SORCS3: variants seen among roughly 807,000 people sequenced by gnomAD.
SORCS3 encodes the protein sortilin related VPS10 domain containing receptor 3.
Under a neutral mutation model 146.3 loss-of-function variants are expected in SORCS3, and 57 were observed. The ratio of observed to expected loss-of-function variants is 0.39; its 90% CI spans 0.31 to 0.49. The LOEUF (loss-of-function observed/expected upper bound fraction) is 0.49. Ranked by LOEUF, SORCS3 falls within the 20% of genes least tolerant of loss-of-function variation. The probability of loss-of-function intolerance (pLI) is 0.92; values close to 1 mark genes in which losing one functional copy is unlikely to be tolerated. For synonymous variants in SORCS3, 653 were observed against 618.5 expected (o/e 1.06, Z -0.83); for missense variants, 1,341 against 1,575.5 (o/e 0.85, Z 2.52).
intron 2 of SORCS3, among the ~76,000 whole-genome samples, chr10:104,846,876 C>T (rs944192568): frequency 3.3e-5 from 5 of 152,166 alleles, no homozygotes; most frequent in African/African-American, 1.2e-4. Flanking sequence ...CCTGAGTTAC[C>T]TGGGTCATAA....
intron 1 of SORCS3, among the ~76,000 whole-genome samples, chr10:104,787,673 AG>A (rs2017454096): frequency 6.6e-6 from 1 of 152,172 alleles, no homozygotes; most frequent in African/African-American, 2.4e-5. Context: ...TCCCATGAAA[AG>A]GGACAATGAT....
chr10:105,176,017 T>C (rs2056398917), intron 13 of SORCS3, among the ~76,000 whole-genome samples: 1 of 151,934 alleles, frequency 6.6e-6, no homozygotes, highest in South Asian at 2.1e-4. Flanking sequence ...GAGTAGAGAG[T>C]GAACCATGTA....
rs1162969172 is a variant in SORCS3 at position 104,706,201 on chromosome 10, CT to C, written c.627+64272del. On this transcript the variant is annotated intron_variant, in intron 1 of 26. Coordinates refer to ENST00000369701, the MANE Select transcript of SORCS3 (RefSeq NM_014978.3). ...TTGTTTGTTTGTTTCTTTTCTTCTT[CT>C]TTTTTTTTTTTTTTTTTTTTTTTTG... is the stretch of plus-strand genomic sequence containing the variant. 6.8e-3 allele frequency among the ~76,000 whole-genome samples: 581 copies of C among 85,844 alleles called. 1 individual carries two copies. The highest frequency in any genetic ancestry group is 0.016 in the South Asian group (37 of 2,256). The allele number at this position is 85,844 out of a possible 152,430, so 56.3% of individuals were successfully genotyped here.
chr10:105,028,171 C>G (rs947747238), intron 4 of SORCS3, among the ~76,000 whole-genome samples: 12 of 152,210 alleles, frequency 7.9e-5, no homozygotes, highest in Non-Finnish European at 1.3e-4. Flanking sequence ...TTGCCCATTT[C>G]TCTCATTACC....
chr10:104,685,584 T>A (rs954450162), intron 1 of SORCS3, among the ~76,000 whole-genome samples: 1 of 152,180 alleles, frequency 6.6e-6, no homozygotes, highest in Non-Finnish European at 1.5e-5. Flanking sequence ...GCAGTGCCTC[T>A]CCCAGTTTAT....
At chr10:105,070,393 T>A (rs1401856662) in intron 5 of SORCS3, among the ~76,000 whole-genome samples, 1 of 152,214 alleles carries the variant, frequency 6.6e-6, no homozygotes, top group East Asian at 1.9e-4. Flanking sequence ...GTGTCTCCAG[T>A]GAGTGTCTCC....
chr10:105,231,456 A>G (rs1470281290), intron 20 of SORCS3, among the ~76,000 whole-genome samples: 1 of 152,208 alleles, frequency 6.6e-6, no homozygotes. Flanking sequence ...AAGCAATCAT[A>G]TCATCTATGA....
At chr10:104,767,522 A>G (rs950360237) in intron 1 of SORCS3, among the ~76,000 whole-genome samples, 7 of 152,076 alleles carry the variant, frequency 4.6e-5, no homozygotes, top group Admixed American at 2.0e-4. Context: ...AGGTATCAGT[A>G]CATGTCTTTG....
intron 16 of SORCS3, among the ~76,000 whole-genome samples, chr10:105,210,499 T>G (rs1206962956): frequency 6.6e-6 from 1 of 152,110 alleles, no homozygotes; most frequent in Non-Finnish European, 1.5e-5. Context: ...GGACTTCAGA[T>G]AGGGGACCTC....
At chr10:104,731,693 C>T (rs2016708282) in intron 1 of SORCS3, among the ~76,000 whole-genome samples, 1 of 152,158 alleles carries the variant, frequency 6.6e-6, no homozygotes, top group Non-Finnish European at 1.5e-5. Flanking sequence ...CATGGAGCTG[C>T]CCAGGTTATT....
chr10:105,088,084 A>G (rs1377161732), intron 5 of SORCS3, among the ~76,000 whole-genome samples: 1 of 152,186 alleles, frequency 6.6e-6, no homozygotes, highest in African/African-American at 2.4e-5. Context: ...GGAAAGAGGA[A>G]TGAGAGTTCA....
chr10:105,234,920 T>C (rs1166484679), intron 20 of SORCS3, among the ~76,000 whole-genome samples: 3 of 152,146 alleles, frequency 2.0e-5, no homozygotes, highest in Non-Finnish European at 4.4e-5. Context: ...TTGTAATTTT[T>C]TTCTTCACAG....
chr10:105,253,780 A>G (rs868252718), intron 23 of SORCS3, among the ~76,000 whole-genome samples: 5 of 152,234 alleles, frequency 3.3e-5, no homozygotes, highest in African/African-American at 1.2e-4. Flanking sequence ...ATTGAGCGGT[A>G]GAGATGTGAT....
At chr10:105,148,771 C>T (rs1295658318) in intron 9 of SORCS3, among the ~76,000 whole-genome samples, 1 of 151,970 alleles carries the variant, frequency 6.6e-6, no homozygotes, top group African/African-American at 2.4e-5. Context: ...ATAGTGGTCT[C>T]CTCTAAGCAG....
chr10:104,917,785 A>G (rs2019047586), intron 3 of SORCS3, among the ~76,000 whole-genome samples: 2 of 152,190 alleles, frequency 1.3e-5, no homozygotes, highest in African/African-American at 4.8e-5. Flanking sequence ...TAATGTCTTC[A>G]GGTTCATCCA....
At chr10:104,832,453 C>A (rs578018580) in intron 1 of SORCS3, among the ~76,000 whole-genome samples, 1 of 152,186 alleles carries the variant, frequency 6.6e-6, no homozygotes, top group South Asian at 2.1e-4. Flanking sequence ...CACAGTGGCA[C>A]ACACCTGTAA....
At chr10:105,008,958 T>G (rs1380370388) in intron 4 of SORCS3, among the ~76,000 whole-genome samples, 1 of 152,216 alleles carries the variant, frequency 6.6e-6, no homozygotes, top group African/African-American at 2.4e-5. Context: ...GAGCTGAGTT[T>G]TGGCTGCATG....
intron 5 of SORCS3, among the ~76,000 whole-genome samples, chr10:105,085,934 TC>T (rs1297918413): frequency 1.3e-5 from 2 of 152,210 alleles, no homozygotes; most frequent in Non-Finnish European, 2.9e-5. Context: ...TTTCTCTCTG[TC>T]TTTTGGCTAT....
intron 20 of SORCS3, among the ~76,000 whole-genome samples, chr10:105,235,515 G>A (rs1409104834): frequency 6.6e-6 from 1 of 150,734 alleles, no homozygotes; most frequent in African/African-American, 2.4e-5. Flanking sequence ...TAATGTGATT[G>A]GCATTGCTTA....
Sources: gnomAD v4.1 joint callset for allele counts (sites outside exome capture counted in the v4.1 genomes callset) on GRCh38, gnomAD v4.1.1 for gene constraint, MANE v1.5 for transcripts, NCBI Gene and HGNC (gene_info 2026-07-23, HGNC 2026-07-21) for gene names.